The following DAB1 variants were observed in gnomAD, a reference collection of about 807,000 sequenced individuals.
DAB1 encodes the protein DAB adaptor protein 1.
DAB1 carries 15 observed loss-of-function variants against 64.6 expected under a neutral mutation model. The ratio of observed to expected loss-of-function variants is 0.23; its 90% CI spans 0.16 to 0.36. The LOEUF is 0.36. Ranked by LOEUF, DAB1 falls within the 10% of genes least tolerant of loss-of-function variation. The pLI, the probability that DAB1 is intolerant of heterozygous loss-of-function variation, is 1.00. For missense variants in DAB1, 596 were observed against 706.7 expected (o/e 0.84, Z 1.78); for synonymous variants, 235 against 251.9 (o/e 0.93, Z 0.64).
At chr1:57,479,213 T>C (rs1320484520) in intron 7 of DAB1, among the ~76,000 whole-genome samples, 3 of 152,052 alleles carry the variant, frequency 2.0e-5, no homozygotes, top group South Asian at 2.1e-4. Context: ...CTGTAAGGAA[T>C]AGGGAGAAGT....
chr1:57,837,376 C>G (rs1438526927), intron 1 of DAB1, among the ~76,000 whole-genome samples: 1 of 152,182 alleles, frequency 6.6e-6, no homozygotes, highest in Non-Finnish European at 1.5e-5. Flanking sequence ...TCTCACCATT[C>G]TACTTGACTT....
intron 4 of DAB1, among the ~76,000 whole-genome samples, chr1:58,260,235 C>T (rs548827849): frequency 1.3e-5 from 2 of 152,272 alleles, no homozygotes; most frequent in South Asian, 4.1e-4. Context: ...GGTTTCAGAG[C>T]CGCCCTTCTC....
intron 5 of DAB1, among the ~76,000 whole-genome samples, chr1:58,127,044 A>G (rs1451094549): frequency 2.7e-5 from 4 of 150,788 alleles, no homozygotes. Context: ...ACTGACTTCC[A>G]CAATGGTTGA....
chr1:58,209,880 G>A (rs183975326), intron 4 of DAB1, among the ~76,000 whole-genome samples: 2 of 152,042 alleles, frequency 1.3e-5, no homozygotes, highest in Non-Finnish European at 2.9e-5. Flanking sequence ...AAAAAAATAC[G>A]TAGTATAATG....
chr1:58,240,524 A>G (rs1660246388), intron 4 of DAB1, among the ~76,000 whole-genome samples: 1 of 152,236 alleles, frequency 6.6e-6, no homozygotes, highest in Admixed American at 6.5e-5. Flanking sequence ...GTACCATTGT[A>G]AATGCACTCT....
intron 4 of DAB1, among the ~76,000 whole-genome samples, chr1:58,205,765 T>C (rs1658239474): frequency 6.6e-6 from 1 of 152,158 alleles, no homozygotes; most frequent in Non-Finnish European, 1.5e-5. Flanking sequence ...TCCATGAAAG[T>C]AGCCTTAAAA....
At chr1:57,315,525 C>T (rs765010865) in intron 1 of DAB1, among the ~76,000 whole-genome samples, 19 of 152,064 alleles carry the variant, frequency 1.2e-4, no homozygotes, top group South Asian at 4.2e-4. Flanking sequence ...TTTTCTGCGA[C>T]GGAGTCTCGC....
chr1:58,452,213 C>T (rs1470277549), intron 3 of DAB1, among the ~76,000 whole-genome samples: 3 of 151,604 alleles, frequency 2.0e-5, no homozygotes, highest in Admixed American at 6.6e-5. Flanking sequence ...GGATTACAGG[C>T]GTGAGCCACT....
chr1:57,270,823 T>C (rs897267247), intron 2 of DAB1, among the ~76,000 whole-genome samples: 2 of 152,158 alleles, frequency 1.3e-5, no homozygotes, highest in African/African-American at 4.8e-5. Flanking sequence ...GGCACCTTGC[T>C]TGGCCCTATC....
intron 3 of DAB1, among the ~76,000 whole-genome samples, chr1:58,454,954 TG>T (rs1645179417): frequency 1.3e-5 from 2 of 152,226 alleles, no homozygotes; most frequent in African/African-American, 4.8e-5. Flanking sequence ...GGTCACTCAG[TG>T]GTGACGTGTA....
At chr1:57,687,994 T>C (rs375303894) in intron 6 of DAB1, among the ~76,000 whole-genome samples, 3 of 152,208 alleles carry the variant, frequency 2.0e-5, no homozygotes, top group East Asian at 1.9e-4. Flanking sequence ...CTTCTCAACA[T>C]TGGCCTTGAC....
Position 57,015,274 on chromosome 1 carries a change from C to G in DAB1, c.1053G>C (p.Gln351His), listed in dbSNP as rs1646389908. 6.2e-7 allele frequency: 1 copy of G among 1,613,966 alleles called. No homozygotes were observed. The highest frequency in any genetic ancestry group is 8.5e-7 in the Non-Finnish European group (1 of 1,180,016). The change falls in exon 12 of 15, where the codon CAG becomes CAC. Residue 351 changes from glutamine (Q) to histidine (H), a missense_variant. By Grantham distance (24) the Gln-to-His change is conservative (BLOSUM62 0). Transcript: ENST00000371236. The part of the protein sequence containing the change: ...WGQPGLFPAT[Q>H]QPWPTVAGQF... ...GCCCGGCCACAGTTGGCCAGGGCTG[C>G]TGAGTGGCAGGAAAGAGACCCGGCT...
chr1:57,196,514 T>A (rs1489975755), intron 2 of DAB1, among the ~76,000 whole-genome samples: 2 of 152,218 alleles, frequency 1.3e-5, no homozygotes, highest in Non-Finnish European at 2.9e-5. Flanking sequence ...CCAGACAGCA[T>A]AATAGGCTTT....
chr1:57,335,425 T>C (rs545914986), intron 1 of DAB1, among the ~76,000 whole-genome samples: 1 of 152,340 alleles, frequency 6.6e-6, no homozygotes, highest in Admixed American at 6.5e-5. Context: ...TTGCTTGATA[T>C]GAGGATTAAA....
intron 5 of DAB1, among the ~76,000 whole-genome samples, chr1:57,959,690 G>C (rs572796234): frequency 6.6e-6 from 1 of 152,164 alleles, no homozygotes; most frequent in Non-Finnish European, 1.5e-5. Context: ...CAATCCTGAT[G>C]AGAAGCTGTC....
chr1:57,388,705 T>C (rs2100994180), intron 1 of DAB1, among the ~76,000 whole-genome samples: 1 of 152,312 alleles, frequency 6.6e-6, no homozygotes, highest in African/African-American at 2.4e-5. Context: ...AGACAGACCT[T>C]TTGGAAGTGA....
chr1:58,279,553 T>C (rs1190561455), intron 4 of DAB1, among the ~76,000 whole-genome samples: 3 of 152,186 alleles, frequency 2.0e-5, no homozygotes, highest in African/African-American at 2.4e-5. Flanking sequence ...CATTTGCAGA[T>C]AAAGCAACTG....
At chr1:57,690,692 C>G (rs754109853) in intron 6 of DAB1, among the ~76,000 whole-genome samples, 16 of 151,996 alleles carry the variant, frequency 1.1e-4, no homozygotes, top group Non-Finnish European at 2.9e-5. Context: ...TATGGTAGCC[C>G]GATTTTTAGT....
intron 4 of DAB1, among the ~76,000 whole-genome samples, chr1:58,211,809 G>T (rs1658565598): frequency 6.6e-6 from 1 of 152,094 alleles, no homozygotes; most frequent in South Asian, 2.1e-4. Flanking sequence ...GTGGAAATGG[G>T]ATTCATAGTC....
Sources: gnomAD v4.1 joint callset for allele counts (sites outside exome capture counted in the v4.1 genomes callset) on GRCh38, gnomAD v4.1.1 for gene constraint, MANE v1.5 for transcripts, NCBI Gene and HGNC (gene_info 2026-07-23, HGNC 2026-07-21) for gene names.